Variants in HERC3 observed in about 807,000 individuals in gnomAD.
HERC3 encodes HECT and RLD domain containing E3 ubiquitin protein ligase 3, also known as probable E3 ubiquitin-protein ligase HERC3.
A neutral mutation model predicts 129.9 loss-of-function variants in HERC3; 58 were observed. The observed-to-expected ratio is 0.45, with a 90% CI of 0.36 to 0.56. HERC3 has a LOEUF of 0.56. Ranked by LOEUF, HERC3 falls within the 20% of genes least tolerant of loss-of-function variation. The pLI is 0.00. For missense variants in HERC3, 835 were observed against 1,244.2 expected, an observed-to-expected ratio of 0.67 and a Z score of 4.95; for synonymous variants, 430 against 451.0, an observed-to-expected ratio of 0.95 and a Z score of 0.59.
intron 3 of HERC3, among the ~76,000 whole-genome samples, chr4:88,641,322 A>G (rs1369043008): frequency 6.6e-6 from 1 of 152,244 alleles, no homozygotes. Flanking sequence ...GTGCTTAGAG[A>G]GAACTTTGTG....
At chr4:88,669,661 A>C (rs1448356005) in intron 14 of HERC3, among the ~76,000 whole-genome samples, 199 bp from the exon 15 acceptor site, 2 of 152,220 alleles carry the variant, frequency 1.3e-5, no homozygotes, top group East Asian at 3.8e-4. Context: ...GCTTTACAAA[A>C]AAAGCTCCAG....
intron 23 of HERC3, among the ~76,000 whole-genome samples, chr4:88,688,428 G>A (rs1733709751): frequency 6.6e-6 from 1 of 152,166 alleles, no homozygotes; most frequent in South Asian, 2.1e-4. Flanking sequence ...GGCTTTTGAG[G>A]TAGCTCAGGT....
At chr4:88,579,545 A>G in the HERC3 span, among the ~76,000 whole-genome samples, 27 of 152,126 alleles carry the variant, frequency 1.8e-4, no homozygotes, top group Non-Finnish European at 3.8e-4. Flanking sequence ...TGGTATGTAG[A>G]ATGGATGGGG....
chr4:88,650,412 TACAA>T (rs1490678766), intron 4 of HERC3, among the ~76,000 whole-genome samples: 1 of 152,224 alleles, frequency 6.6e-6, no homozygotes, highest in African/African-American at 2.4e-5. Context: ...CTTTAAGCAT[TACAA>T]ACAGCTAAAA....
chr4:88,694,542 A>G (rs539365665), intron 23 of HERC3, among the ~76,000 whole-genome samples: 1 of 152,206 alleles, frequency 6.6e-6, no homozygotes, highest in East Asian at 1.9e-4. Flanking sequence ...TATTTAATAT[A>G]TTTTCTTCAG....
At chr4:88,631,171 C>T (rs1258672045) in intron 3 of HERC3, among the ~76,000 whole-genome samples, 1 of 152,190 alleles carries the variant, frequency 6.6e-6, no homozygotes, top group Non-Finnish European at 1.5e-5. Context: ...AGAGGTACTA[C>T]TCTGGGCCAG....
chr4:88,604,943 GA>G (rs751420378), intron 2 of HERC3, among the ~76,000 whole-genome samples: 1 of 151,786 alleles, frequency 6.6e-6, no homozygotes, highest in Non-Finnish European at 1.5e-5. Context: ...CGAGAGATGA[GA>G]TTTTTTTTTG....
chr4:88,603,949 G>A (rs1158370968), intron 2 of HERC3, among the ~76,000 whole-genome samples: 3 of 152,148 alleles, frequency 2.0e-5, no homozygotes, highest in Non-Finnish European at 2.9e-5. Flanking sequence ...CAGTAGACAT[G>A]TAGCAAGAGA....
chr4:88,645,212 G>A (rs1305928433), intron 3 of HERC3, among the ~76,000 whole-genome samples: 1 of 152,130 alleles, frequency 6.6e-6, no homozygotes, highest in Non-Finnish European at 1.5e-5. Flanking sequence ...TGTGCAGGAG[G>A]GTAAGAGTTC....
chr4:88,582,497 G>T, the HERC3 span, among the ~76,000 whole-genome samples: 1 of 152,128 alleles, frequency 6.6e-6, no homozygotes, highest in Non-Finnish European at 1.5e-5. Context: ...CTTCCAATGT[G>T]CAGGGATAAG....
intron 3 of HERC3, among the ~76,000 whole-genome samples, chr4:88,620,664 A>T (rs569842828): frequency 6.6e-6 from 1 of 151,814 alleles, no homozygotes; most frequent in South Asian, 2.1e-4. Context: ...CCCTCTCTCC[A>T]CAGAGTAATC....
At chr4:88,583,582 G>A in the HERC3 span, 4 of 152,168 alleles carry the variant, frequency 2.6e-5, no homozygotes, top group Non-Finnish European at 5.9e-5. Flanking sequence ...CTTCATCAAG[G>A]TCAAGGCTTA....
chr4:88,669,178 T>C (rs1205036210), intron 14 of HERC3, among the ~76,000 whole-genome samples: 1 of 152,174 alleles, frequency 6.6e-6, no homozygotes, highest in Non-Finnish European at 1.5e-5. Flanking sequence ...TCAGCAGTTG[T>C]CAGTATTTTG....
intron 3 of HERC3, among the ~76,000 whole-genome samples, chr4:88,637,510 A>G (rs564720927): frequency 6.6e-6 from 1 of 152,364 alleles, no homozygotes; most frequent in Admixed American, 6.5e-5. Context: ...AAATAATGAA[A>G]TTAAGGCAGA....
chr4:88,633,646 C>T (rs144901293), intron 3 of HERC3, among the ~76,000 whole-genome samples: 4 of 151,828 alleles, frequency 2.6e-5, no homozygotes, highest in African/African-American at 9.7e-5. Flanking sequence ...AAAACAATAA[C>T]AAAATAGGTA....
the HERC3 span, among the ~76,000 whole-genome samples, chr4:88,556,981 T>C: frequency 6.6e-6 from 1 of 152,134 alleles, no homozygotes; most frequent in African/African-American, 2.4e-5. Context: ...ATGTACCTTA[T>C]ATTCACATAT....
intron 23 of HERC3, among the ~76,000 whole-genome samples, chr4:88,700,090 CTT>C (rs34838725): frequency 5.5e-5 from 8 of 145,124 alleles, no homozygotes; most frequent in Admixed American, 6.9e-5. Context: ...TTGAGCCTGG[CTT>C]TTTTTTTTTA....
chr4:88,590,892 T>C (rs1040505255), upstream of HERC3, among the ~76,000 whole-genome samples: 27 of 151,662 alleles, frequency 1.8e-4, no homozygotes, highest in South Asian at 1.7e-3. Context: ...TCTTTCTTTT[T>C]TTTTTTTTTT....
chr4:88,610,469 A>C (rs893556761), intron 3 of HERC3, among the ~76,000 whole-genome samples: 2 of 151,268 alleles, frequency 1.3e-5, no homozygotes, highest in African/African-American at 4.9e-5. Context: ...AAAAAAAAAA[A>C]AAGAACGCCT....
Sources: allele counts gnomAD v4.1 joint callset (sites outside exome capture counted in the v4.1 genomes callset), GRCh38; gene constraint gnomAD v4.1.1; transcripts MANE v1.5; gene names NCBI Gene and HGNC (gene_info 2026-07-23, HGNC 2026-07-21).